The following NHSL1 variants were observed in gnomAD, a reference collection of about 807,000 sequenced individuals.
NHSL1 encodes the protein NHS-like protein 1.
In NHSL1, 48 loss-of-function variants were observed where a neutral mutation model predicts 95.0. That is an observed-to-expected ratio of 0.51 (90% CI 0.40 to 0.64). The LOEUF is 0.64. NHSL1 is among the 30% of genes least tolerant of loss of function. The pLI is 0.00. For missense variants in NHSL1, 1,971 were observed against 2,077.7 expected, an observed-to-expected ratio of 0.95 and a Z score of 1.00; for synonymous variants, 783 against 833.9, an observed-to-expected ratio of 0.94 and a Z score of 1.05.
rs745649185 is a variant in NHSL1, at chr6:138,431,565, G to A, written c.2780C>T (p.Pro927Leu). Residue 927 changes from proline (P) to leucine (L), a missense_variant, in exon 6 of 8, where the codon CCC becomes CTC. By Grantham distance (98) the Pro-to-Leu change is moderately conservative. Around this residue, in one of 3 missense-constraint regions of NHSL1, gnomAD observed 1,602 missense variants for 1,654.5 expected, o/e 0.97. Coordinates refer to ENST00000343505, the MANE Select transcript of NHSL1 (RefSeq NM_001144060.2). This position sits in a 1 kb window ranked among gnomAD's most constrained non-coding sequence, Gnocchi z 4.0. ...MKKLDPAVGS[P>L]PAPPPPPVPS... The stretch of plus-strand genomic sequence containing the variant: ...AACAGGAGGAGGAGGAGGAGCCGGG[G>A]GAGAGCCCACGGCTGGATCCAGCTT... The A allele has an allele frequency of 2.6e-6, 4 of 1,551,328 alleles. No individual in the cohort carries two copies. The highest frequency in any genetic ancestry group is 3.5e-6 in the Non-Finnish European group (4 of 1,146,862).
intron 1 of NHSL1, among the ~76,000 whole-genome samples, chr6:138,675,366 ACC>A (rs1238689985): frequency 6.6e-6 from 1 of 151,994 alleles, no homozygotes; most frequent in Admixed American, 6.6e-5. Context: ...AACCCCCTTC[ACC>A]CTCCAAAAGG....
At chr6:138,477,680 A>C (rs1479997021) in intron 2 of NHSL1, among the ~76,000 whole-genome samples, 1 of 152,134 alleles carries the variant, frequency 6.6e-6, no homozygotes, top group Non-Finnish European at 1.5e-5. Context: ...ACTTAACACT[A>C]CTCAAACATT....
At chr6:138,566,807 G>A (rs1288401774) in intron 1 of NHSL1, among the ~76,000 whole-genome samples, 5 of 152,008 alleles carry the variant, frequency 3.3e-5, no homozygotes, top group Admixed American at 2.0e-4. Context: ...TCAATAAAGG[G>A]CAGTCTCAAT....
chr6:138,424,874 C>T lies in NHSL1; in HGVS notation c.4086-58G>A. On this transcript the variant is annotated intron_variant, in intron 7 of 7. Coordinates refer to ENST00000343505, the MANE Select transcript of NHSL1 (RefSeq NM_001144060.2). The surrounding 1 kb of genome is among the most constrained non-coding windows in gnomAD (Gnocchi z 5.9). ...TTCCCACGGGACCACAGGCTGTCAG[C>T]CACAACCACTCTGCTCTTATCGCAT... 1 of 1,370,566 alleles carries T rather than the reference C, an allele frequency of 7.3e-7. No homozygotes were observed. Among genetic ancestry groups the T allele is most frequent in the African/African-American group, 1.4e-5 (1 of 69,196 alleles). 84.9% of individuals were successfully genotyped at this position (1,370,566 alleles called of 1,614,324 possible). A position where few individuals can be genotyped will look rare whatever the true frequency, so the allele number is the denominator to read the frequency against.
intron 1 of NHSL1, among the ~76,000 whole-genome samples, chr6:138,521,462 C>G (rs748419755): frequency 3.3e-5 from 5 of 152,104 alleles, no homozygotes; most frequent in Non-Finnish European, 7.4e-5. Context: ...TGAGACCCTG[C>G]CTCAAACAAA....
At chr6:138,508,190 A>G (rs1398277041) in intron 1 of NHSL1, among the ~76,000 whole-genome samples, 1 of 152,310 alleles carries the variant, frequency 6.6e-6, no homozygotes. Flanking sequence ...AAGAAACCCA[A>G]ATCAAAAGTC....
At chr6:138,594,590 T>C (rs899354607) in intron 1 of NHSL1, among the ~76,000 whole-genome samples, 7 of 152,130 alleles carry the variant, frequency 4.6e-5, no homozygotes, top group Non-Finnish European at 2.9e-5. Flanking sequence ...TTGCCAAATC[T>C]ACAAAATACA....
intron 2 of NHSL1, among the ~76,000 whole-genome samples, chr6:138,475,163 AAAG>A (rs970412214): frequency 4.6e-5 from 7 of 151,796 alleles, no homozygotes; most frequent in Non-Finnish European, 8.8e-5. Flanking sequence ...AAAAAAAAAA[AAAG>A]AAGTTTTATT....
At chr6:138,605,547 G>T (rs1348505398) in intron 1 of NHSL1, among the ~76,000 whole-genome samples, 1 of 152,120 alleles carries the variant, frequency 6.6e-6, no homozygotes, top group East Asian at 1.9e-4. Flanking sequence ...AAAAGACAAA[G>T]GTGTCAGCTA....
intron 2 of NHSL1, among the ~76,000 whole-genome samples, chr6:138,487,230 G>C (rs927585034): frequency 1.3e-5 from 2 of 152,210 alleles, no homozygotes; most frequent in African/African-American, 4.8e-5. Context: ...TAGATGCTAA[G>C]AGCTTAGGTT....
At chr6:138,545,909 C>T (rs1352104916), upstream of NHSL1, 3 of 848,604 alleles carry the variant, frequency 3.5e-6, no homozygotes, top group Admixed American at 6.2e-5. Flanking sequence ...TAGCAGTCAC[C>T]GTTCATATAG....
At chr6:138,671,943 T>C (rs1481459154) in intron 1 of NHSL1, among the ~76,000 whole-genome samples, 1 of 90,642 alleles carries the variant, frequency 1.1e-5, no homozygotes, top group Non-Finnish European at 2.0e-5. Flanking sequence ...GGTATACCTA[T>C]AGGGGGGTGG....
At chr6:138,448,666 T>C (rs12529222) in intron 3 of NHSL1, among the ~76,000 whole-genome samples, 17,731 of 152,298 alleles carry the variant, frequency 0.12, 1,122 homozygotes, top group Middle Eastern at 0.17. Flanking sequence ...TTTGTGAGGA[T>C]TTATCTAACT....
At chr6:138,446,913 G>A in intron 4 of NHSL1, 88 bp downstream of exon 4, 2 of 1,190,276 alleles carry the variant, frequency 1.7e-6, no homozygotes, top group African/African-American at 1.5e-5. Context: ...CACCTTTGAT[G>A]TAGCAATGAA....
intron 1 of NHSL1, among the ~76,000 whole-genome samples, chr6:138,543,119 CAT>C (rs1316472403): frequency 1.3e-5 from 2 of 152,160 alleles, no homozygotes; most frequent in Admixed American, 6.5e-5. Flanking sequence ...TGCTATTAAT[CAT>C]ATTATTCGCT....
intron 2 of NHSL1, among the ~76,000 whole-genome samples, chr6:138,487,809 G>A (rs564245152): frequency 6.6e-6 from 1 of 152,322 alleles, no homozygotes; most frequent in South Asian, 2.1e-4. Flanking sequence ...CAAGATGTCA[G>A]TGCTACTGCG....
upstream of NHSL1, among the ~76,000 whole-genome samples, chr6:138,547,405 G>A (rs1464359635): frequency 6.6e-6 from 1 of 151,718 alleles, no homozygotes; most frequent in Non-Finnish European, 1.5e-5. Context: ...TCCCCTGAGA[G>A]GGTCTCACTC....
intron 1 of NHSL1, among the ~76,000 whole-genome samples, chr6:138,514,290 C>G (rs1369879983): frequency 6.6e-6 from 1 of 151,758 alleles, no homozygotes; most frequent in Non-Finnish European, 1.5e-5. Context: ...TGCACTCCAG[C>G]CTGGGTGACA....
chr6:138,549,453 T>C (rs1172962136), upstream of NHSL1, among the ~76,000 whole-genome samples: 1 of 152,056 alleles, frequency 6.6e-6, no homozygotes, highest in Admixed American at 6.5e-5. Context: ...AGGCACAGAC[T>C]GGAGGGATGC....
Sources: gnomAD v4.1 joint callset for allele counts (sites outside exome capture counted in the v4.1 genomes callset) on GRCh38, gnomAD v4.1.1 for gene constraint, gnomAD v4.1.1 regional missense constraint, Gnocchi (gnomAD v3.1) non-coding constraint, MANE v1.5 for transcripts, NCBI Gene and HGNC (gene_info 2026-07-23, HGNC 2026-07-21) for gene names.